Variants in SLC24A2 observed in about 807,000 individuals in gnomAD.
SLC24A2 encodes the protein sodium/potassium/calcium exchanger 2.
SLC24A2 carries 36 observed loss-of-function variants against 62.0 expected under a neutral mutation model. The ratio of observed to expected loss-of-function variants is 0.58; its 90% CI spans 0.44 to 0.77. The LOEUF (loss-of-function observed/expected upper bound fraction) is 0.77, where lower values mean the gene tolerates loss of function less well. Among genes scored for constraint, SLC24A2 ranks in the 30% least tolerant of loss-of-function variants. The probability of loss-of-function intolerance (pLI) is 0.00; values close to 1 mark genes in which losing one functional copy is unlikely to be tolerated. For missense variants in SLC24A2, 846 were observed against 817.9 expected (o/e 1.03, Z -0.42); for synonymous variants, 358 against 294.0 (o/e 1.22, Z -2.23).
intron 8 of SLC24A2, among the ~76,000 whole-genome samples, chr9:19,546,230 G>A (rs1001169802): frequency 6.6e-6 from 1 of 152,204 alleles, no homozygotes; most frequent in Non-Finnish European, 1.5e-5. Context: ...GAGCTTGAAC[G>A]TTGTGCTCTC....
At chr9:19,523,452 T>G (rs1833290934) in intron 9 of SLC24A2, among the ~76,000 whole-genome samples, 1 of 148,948 alleles carries the variant, frequency 6.7e-6, no homozygotes, top group South Asian at 2.1e-4. Context: ...AAAAATCTAG[T>G]TTTTTTTTTA....
chr9:19,928,961 C>A, the SLC24A2 span: 1 of 152,246 alleles, frequency 6.6e-6, no homozygotes, highest in South Asian at 2.1e-4. Context: ...TCTGACCACA[C>A]TGAGCTTTCA....
At chr9:20,096,279 C>G in the SLC24A2 span, among the ~76,000 whole-genome samples, 3 of 152,116 alleles carry the variant, frequency 2.0e-5, 1 homozygote, top group South Asian at 6.2e-4. Context: ...AAGTGAGTCT[C>G]TTTTTATTTA....
the SLC24A2 span, among the ~76,000 whole-genome samples, chr9:19,917,543 T>C: frequency 2.0e-5 from 3 of 152,002 alleles, no homozygotes; most frequent in African/African-American, 7.2e-5. Context: ...TTTTTATGAA[T>C]CACAGCCAGG....
At chr9:20,114,455 C>T in the SLC24A2 span, among the ~76,000 whole-genome samples, 1 of 152,052 alleles carries the variant, frequency 6.6e-6, no homozygotes, top group African/African-American at 2.4e-5. Context: ...AAAGGACAAA[C>T]TGTTTCCAAG....
rs772851343 is a variant in SLC24A2 at position 19,573,371 on chromosome 9, T to C, written c.1327A>G (p.Ile443Val). ...CATACCTGGGCTTCTGCACCTTCAA[T>C]GTTGTGGGAGAGATTTCCATTTTGT... ...PVQNGNLSHN[I>V]EGAEAQTADE... The change falls in exon 7 of 11, where the codon ATT (isoleucine) becomes GTT (valine). Residue 443 changes from isoleucine to valine, a missense_variant. Coordinates refer to ENST00000341998, the MANE Select transcript of SLC24A2 (RefSeq NM_020344.4). 1 of 1,611,422 alleles carries C rather than the reference T, an allele frequency of 6.2e-7. No homozygotes were observed. Among genetic ancestry groups the C allele is most frequent in the Non-Finnish European group, 8.5e-7 (1 of 1,177,708 alleles).
chr9:19,999,334 G>T, the SLC24A2 span, among the ~76,000 whole-genome samples: 1 of 152,040 alleles, frequency 6.6e-6, no homozygotes, highest in African/African-American at 2.4e-5. Context: ...GGTGTCCTTG[G>T]GCCTGAGTTT....
At chr9:19,866,271 C>A in the SLC24A2 span, among the ~76,000 whole-genome samples, 1 of 152,168 alleles carries the variant, frequency 6.6e-6, no homozygotes, top group Non-Finnish European at 1.5e-5. Context: ...TTAGTACAGC[C>A]ACTTTGGAGA....
intron 9 of SLC24A2, among the ~76,000 whole-genome samples, chr9:19,525,818 T>C (rs557005262): frequency 1.3e-5 from 2 of 150,906 alleles, no homozygotes; most frequent in East Asian, 2.0e-4. Context: ...TGAAGTGATA[T>C]CTTGGATTAG....
At chr9:19,834,724 A>C in the SLC24A2 span, among the ~76,000 whole-genome samples, 4 of 152,288 alleles carry the variant, frequency 2.6e-5, 1 homozygote, top group South Asian at 4.1e-4. Context: ...AATACAGAGA[A>C]CGCCACAAAG....
chr9:19,652,273 C>T (rs1167698079), intron 2 of SLC24A2, among the ~76,000 whole-genome samples: 2 of 152,116 alleles, frequency 1.3e-5, no homozygotes, highest in East Asian at 3.9e-4. Flanking sequence ...AGGCTGAATA[C>T]TGGTCTCCAA....
At chr9:20,010,058 C>G in the SLC24A2 span, among the ~76,000 whole-genome samples, 4 of 152,154 alleles carry the variant, frequency 2.6e-5, no homozygotes, top group African/African-American at 7.2e-5. Flanking sequence ...GCCCAGCCAG[C>G]GGCGCTCCAC....
At chr9:20,240,817 G>A in the SLC24A2 span, among the ~76,000 whole-genome samples, 1 of 152,066 alleles carries the variant, frequency 6.6e-6, no homozygotes, top group South Asian at 2.1e-4. Flanking sequence ...AATGGACATC[G>A]ATTGATCAAT....
chr9:20,070,569 C>A, the SLC24A2 span, among the ~76,000 whole-genome samples: 1 of 152,204 alleles, frequency 6.6e-6, no homozygotes, highest in Non-Finnish European at 1.5e-5. Flanking sequence ...AGCATTCCTG[C>A]TAACTGCTAA....
chr9:20,163,384 G>C, the SLC24A2 span, among the ~76,000 whole-genome samples: 8 of 152,004 alleles, frequency 5.3e-5, no homozygotes, highest in Non-Finnish European at 1.0e-4. Context: ...ATTCACAATT[G>C]CTTCAAAGAG....
the SLC24A2 span, among the ~76,000 whole-genome samples, chr9:19,828,197 G>T: frequency 6.6e-6 from 1 of 152,026 alleles, no homozygotes; most frequent in Non-Finnish European, 1.5e-5. Context: ...ATCTAGTATT[G>T]AATAAGATCT....
the SLC24A2 span, among the ~76,000 whole-genome samples, chr9:20,244,628 A>G: frequency 2.0e-5 from 3 of 152,342 alleles, no homozygotes; most frequent in African/African-American, 7.2e-5. Flanking sequence ...TGGTAGATGC[A>G]TGTGCTTTTC....
chr9:19,751,440 C>T (rs1821980753), intron 2 of SLC24A2, among the ~76,000 whole-genome samples: 1 of 152,090 alleles, frequency 6.6e-6, no homozygotes. Flanking sequence ...GGGTTCCAGC[C>T]CACTGGAGAA....
intron 7 of SLC24A2, among the ~76,000 whole-genome samples, chr9:19,567,318 G>T (rs918488713): frequency 6.6e-6 from 1 of 151,772 alleles, no homozygotes; most frequent in African/African-American, 2.4e-5. Flanking sequence ...AGGCCGAGGT[G>T]GGTGGATCAC....
Sources: allele counts gnomAD v4.1 joint callset (sites outside exome capture counted in the v4.1 genomes callset), GRCh38; gene constraint gnomAD v4.1.1; transcripts MANE v1.5; gene names NCBI Gene and HGNC (gene_info 2026-07-23, HGNC 2026-07-21).